The following ACCSL variants were observed in gnomAD, a reference collection of about 807,000 sequenced individuals.
The protein encoded by ACCSL is probable inactive 1-aminocyclopropane-1-carboxylate synthase-like protein 2.
A neutral mutation model predicts 61.7 loss-of-function variants in ACCSL; 55 were observed. That is an observed-to-expected ratio of 0.89 (90% CI 0.72 to 1.12). The LOEUF is 1.12. ACCSL is among the 50% of genes most tolerant of loss of function. ACCSL has a pLI of 0.00. For missense variants in ACCSL, 632 were observed against 698.0 expected (o/e 0.91, Z 1.07); for synonymous variants, 258 against 264.3 (o/e 0.98, Z 0.23).
At chr11:43,928,613 C>G in the ACCSL span, among the ~76,000 whole-genome samples, 1 of 152,122 alleles carries the variant, frequency 6.6e-6, no homozygotes, top group Non-Finnish European at 1.5e-5. Context: ...GGAGGTGGGC[C>G]TCCAGGTGTG....
At chr11:43,983,768 T>TG in the ACCSL span, among the ~76,000 whole-genome samples, 1 of 145,122 alleles carries the variant, frequency 6.9e-6, no homozygotes, top group Non-Finnish European at 1.5e-5. Context: ...GGCATGGTGG[T>TG]GGGGGTTATG....
At chr11:44,004,353 T>C in the ACCSL span, among the ~76,000 whole-genome samples, 1 of 151,860 alleles carries the variant, frequency 6.6e-6, no homozygotes, top group Non-Finnish European at 1.5e-5. Context: ...CATACCGCCC[T>C]GGGGGACCAA....
At chr11:43,960,876 A>G in the ACCSL span, among the ~76,000 whole-genome samples, 1 of 151,932 alleles carries the variant, frequency 6.6e-6, no homozygotes, top group Non-Finnish European at 1.5e-5. Context: ...TGGAGTGCAG[A>G]GGCACGATCT....
chr11:44,054,164 T>C (rs4237645), intron 8 of ACCSL, among the ~76,000 whole-genome samples: 102,966 of 152,146 alleles, frequency 0.68, 35,486 homozygotes, highest in African/African-American at 0.81. Context: ...GGAAGACACT[T>C]TCAGACCTTG....
chr11:43,996,245 T>C, the ACCSL span, among the ~76,000 whole-genome samples: 3 of 152,230 alleles, frequency 2.0e-5, no homozygotes, highest in Non-Finnish European at 4.4e-5. Flanking sequence ...GGTAGTACTT[T>C]GTTTTAGCAA....
chr11:44,053,431 TAA>T lies in ACCSL; in HGVS notation c.975_976del (p.Ile326GlnfsTer8), dbSNP rs756522209. 2 of 1,614,206 alleles carry T rather than the reference TAA, an allele frequency of 1.2e-6. No homozygotes were observed. Among genetic ancestry groups the T allele is most frequent in the East Asian group, 4.5e-5 (2 of 44,892 alleles). On this transcript the variant is annotated frameshift_variant, in exon 8 of 14. Coordinates refer to ENST00000378832, the MANE Select transcript of ACCSL (RefSeq NM_001031854.2). LOFTEE classifies it high-confidence loss of function. The stretch of plus-strand genomic sequence containing the variant: ...GGGAAAAAGGTCCGAGGCCTTGTGC[TAA>T]TCAACCCTCAGAATCCTCTGGGTGA...
chr11:44,047,837 A>G (rs1297018279), upstream of ACCSL: 1 of 629,338 alleles, frequency 1.6e-6, no homozygotes, highest in Non-Finnish European at 2.7e-6. Context: ...TCATTGCCCT[A>G]AAGAGTAGGT....
At chr11:44,030,489 C>T in the ACCSL span, among the ~76,000 whole-genome samples, 1 of 151,850 alleles carries the variant, frequency 6.6e-6, no homozygotes, top group African/African-American at 2.4e-5. Flanking sequence ...GAGAAAGCAG[C>T]ATGAGTCTCT....
the ACCSL span, among the ~76,000 whole-genome samples, chr11:44,011,997 C>T: frequency 3.3e-5 from 5 of 152,154 alleles, no homozygotes; most frequent in Non-Finnish European, 5.9e-5. Context: ...GGAATCATTA[C>T]TCATGTGCTG....
At chr11:43,983,099 C>T in the ACCSL span, among the ~76,000 whole-genome samples, 1 of 152,190 alleles carries the variant, frequency 6.6e-6, no homozygotes, top group African/African-American at 2.4e-5. Flanking sequence ...TTGAGGGGAT[C>T]TGAGTGAGCA....
rs1430338226 is a variant in ACCSL at position 44,055,306 on chromosome 11, G to C, written c.1139+15G>C. The C allele has an allele frequency of 3.7e-6, 6 of 1,603,678 alleles. No homozygotes were observed. Among genetic ancestry groups the C allele is most frequent in the Non-Finnish European group, 5.1e-6 (6 of 1,171,580 alleles). The stretch of plus-strand genomic sequence containing the variant: ...AGCATGAAAAGGTGAGCTGGTCTCA[G>C]CTGGAGTTGGGAACGAGAACCACAA... On this transcript the variant is annotated intron_variant, in intron 9 of 13. Transcript: ENST00000378832.
the ACCSL span, among the ~76,000 whole-genome samples, chr11:43,934,883 G>A: frequency 1.3e-5 from 2 of 152,198 alleles, no homozygotes; most frequent in Admixed American, 6.5e-5. Context: ...GCTAATGGCT[G>A]AAGAACTGGT....
At chr11:44,021,328 G>A in the ACCSL span, among the ~76,000 whole-genome samples, 3 of 152,070 alleles carry the variant, frequency 2.0e-5, no homozygotes, top group African/African-American at 7.2e-5. Flanking sequence ...GGAGTTAGGC[G>A]GTATTGCATT....
the ACCSL span, among the ~76,000 whole-genome samples, chr11:44,025,468 C>A: frequency 3.3e-5 from 5 of 151,748 alleles, no homozygotes; most frequent in African/African-American, 9.7e-5. Flanking sequence ...CATTGCTGTC[C>A]CTCTCCTTTC....
the ACCSL span, among the ~76,000 whole-genome samples, chr11:43,956,567 G>C: frequency 4.6e-5 from 7 of 151,988 alleles, no homozygotes; most frequent in African/African-American, 1.7e-4. Context: ...CTATAGGCAC[G>C]TGCCACCACA....
chr11:44,002,057 A>C, the ACCSL span, among the ~76,000 whole-genome samples: 4 of 151,860 alleles, frequency 2.6e-5, no homozygotes, highest in African/African-American at 9.7e-5. Context: ...TTGGAATTAC[A>C]GCCCTGGTTT....
At chr11:43,932,052 T>C in the ACCSL span, among the ~76,000 whole-genome samples, 2 of 152,198 alleles carry the variant, frequency 1.3e-5, no homozygotes, top group Non-Finnish European at 2.9e-5. Context: ...CGGTGTGTCC[T>C]ATCCTGGGGC....
At chr11:44,051,764 A>T in intron 5 of ACCSL, 45 bp downstream of exon 5, 1 of 1,607,918 alleles carries the variant, frequency 6.2e-7, no homozygotes, top group Non-Finnish European at 8.5e-7. Context: ...AATACTAGCA[A>T]CACAGGTAGG....
At chr11:43,932,999 T>G in the ACCSL span, 10 of 450,880 alleles carry the variant, frequency 2.2e-5, no homozygotes, top group Middle Eastern at 6.6e-4. Flanking sequence ...GGCTGCGCTG[T>G]GTAGCTGGGG....
Sources: allele counts gnomAD v4.1 joint callset (sites outside exome capture counted in the v4.1 genomes callset), GRCh38; gene constraint gnomAD v4.1.1; transcripts MANE v1.5; gene names NCBI Gene and HGNC (gene_info 2026-07-23, HGNC 2026-07-21).